LTF: variants seen among roughly 807,000 people sequenced by gnomAD.
LTF encodes the protein lactotransferrin.
In LTF, 91 loss-of-function variants were observed where a neutral mutation model predicts 87.2. The ratio of observed to expected loss-of-function variants is 1.04; its 90% CI spans 0.88 to 1.24. The LOEUF (loss-of-function observed/expected upper bound fraction) is 1.24, where lower values mean the gene tolerates loss of function less well. LTF is among the 50% of genes most tolerant of loss of function. The pLI, the probability that LTF is intolerant of heterozygous loss-of-function variation, is 0.00. For missense variants in LTF, 901 were observed against 904.3 expected (o/e 1.00, Z 0.05); for synonymous variants, 378 against 356.1 (o/e 1.06, Z -0.69).
chr3:46,462,039 C>G (rs1559606990), intron 1 of LTF, among the ~76,000 whole-genome samples: 1 of 152,150 alleles, frequency 6.6e-6, no homozygotes, highest in Non-Finnish European at 1.5e-5. Flanking sequence ...CCATACTCCC[C>G]CTTCATCCAC....
chr3:46,468,173 G>T (rs1703239037), upstream of LTF: 2 of 456,558 alleles, frequency 4.4e-6, no homozygotes, highest in African/African-American at 4.0e-5. Flanking sequence ...GTAATGTGTT[G>T]GGTCTGAAGG....
intron 16 of LTF, among the ~76,000 whole-genome samples, chr3:46,437,320 A>ATTTTT (rs10667876): frequency 3.0e-5 from 4 of 131,498 alleles, no homozygotes; most frequent in African/African-American, 1.2e-4. Context: ...CTAGAATCAG[A>ATTTTT]TTTTTTTTTT....
intron 1 of LTF, among the ~76,000 whole-genome samples, chr3:46,475,536 A>G (rs1285504959): frequency 6.7e-6 from 1 of 150,064 alleles, no homozygotes; most frequent in Non-Finnish European, 1.5e-5. Flanking sequence ...ACACACACAC[A>G]CACACACACA....
chr3:46,476,224 G>A (rs542323020), intron 1 of LTF, among the ~76,000 whole-genome samples: 1 of 152,160 alleles, frequency 6.6e-6, no homozygotes, highest in African/African-American at 2.4e-5. Context: ...AACAGATATG[G>A]AGATAACAGC....
intron 6 of LTF, among the ~76,000 whole-genome samples, chr3:46,451,479 A>T (rs1220266514): frequency 6.6e-6 from 1 of 152,238 alleles, no homozygotes; most frequent in Non-Finnish European, 1.5e-5. Context: ...ATGGCAGAAA[A>T]CCATGAGATC....
At chr3:46,437,683 G>A (rs963118381) in intron 16 of LTF, among the ~76,000 whole-genome samples, 2 of 152,016 alleles carry the variant, frequency 1.3e-5, no homozygotes, top group Non-Finnish European at 2.9e-5. Flanking sequence ...GAATAAAATG[G>A]ATTATCAGTT....
upstream of LTF, chr3:46,465,164 G>T (rs569843191): frequency 2.9e-5 from 14 of 478,338 alleles, no homozygotes; most frequent in South Asian, 3.2e-4. Flanking sequence ...CCTAGGAGTC[G>T]CAGCCCCCTG....
At position 46,439,437 on chromosome 3, in the gene LTF, G is replaced by A; in HGVS notation, c.1767C>T (p.Asp589=). The A allele has an allele frequency of 1.9e-6, 3 of 1,613,914 alleles. No homozygotes were observed. Among genetic ancestry groups the A allele is most frequent in the Non-Finnish European group, 2.5e-6 (3 of 1,179,906 alleles). Residue 589 remains aspartate (D), a synonymous_variant, in exon 15 of 17, where the codon GAC becomes GAT. Transcript: ENST00000231751. ...TGCCATCGAGGCACAGCAGCGCAAA[G>A]TCTGCCAGCTTCAAATCCTTAGCCC... is the stretch of plus-strand genomic sequence containing the variant. ...EAWAKDLKLA[D]FALLCLDGKR... is the part of the protein sequence containing the mutation.
chr3:46,462,904 T>C (rs965443726), intron 1 of LTF, among the ~76,000 whole-genome samples: 2 of 151,958 alleles, frequency 1.3e-5, no homozygotes, highest in African/African-American at 2.4e-5. Context: ...AGGTGGGGGC[T>C]GAGCAATGAC....
intron 1 of LTF, among the ~76,000 whole-genome samples, chr3:46,462,436 G>T (rs1316676775): frequency 2.0e-5 from 3 of 152,178 alleles, no homozygotes; most frequent in African/African-American, 7.2e-5. Flanking sequence ...TAGTTATGTG[G>T]CTTGTGGAAG....
upstream of LTF, among the ~76,000 whole-genome samples, chr3:46,467,068 C>T (rs972418094): frequency 1.3e-5 from 2 of 152,150 alleles, no homozygotes; most frequent in African/African-American, 4.8e-5. Flanking sequence ...TCCTGCTGTG[C>T]CTGTTGGAAC....
chr3:46,451,131 T>G (rs1190088096), intron 6 of LTF, among the ~76,000 whole-genome samples: 1 of 152,064 alleles, frequency 6.6e-6, no homozygotes, highest in Non-Finnish European at 1.5e-5. Context: ...ACTGAGTATA[T>G]CAAAAGAAGG....
intron 1 of LTF, among the ~76,000 whole-genome samples, chr3:46,484,311 C>T (rs908563101): frequency 2.6e-5 from 4 of 152,194 alleles, no homozygotes; most frequent in Admixed American, 2.6e-4. Context: ...GTTTGGCAGA[C>T]TTTGGGGAAC....
intron 8 of LTF, among the ~76,000 whole-genome samples, chr3:46,449,583 A>G (rs2269442): frequency 6.6e-6 from 1 of 151,982 alleles, no homozygotes; most frequent in Non-Finnish European, 1.5e-5. Context: ...GGTCCTGGCT[A>G]TCTTTGTTCA....
intron 6 of LTF, among the ~76,000 whole-genome samples, chr3:46,453,842 T>G (rs1199353301): frequency 6.6e-6 from 1 of 152,080 alleles, no homozygotes; most frequent in East Asian, 1.9e-4. Flanking sequence ...GACAGAGAAG[T>G]AAAAGGTGGA....
chr3:46,461,256 G>A (rs1041113582), intron 1 of LTF, among the ~76,000 whole-genome samples: 5 of 152,230 alleles, frequency 3.3e-5, no homozygotes, highest in South Asian at 2.1e-4. Context: ...TTCTCAAAAT[G>A]TGAAGCACAG....
intron 12 of LTF, among the ~76,000 whole-genome samples, chr3:46,444,486 C>T (rs1427101766): frequency 6.6e-6 from 1 of 152,240 alleles, no homozygotes; most frequent in East Asian, 1.9e-4. Context: ...AAACGTCACC[C>T]ATTATCAGAC....
intron 14 of LTF, 97 bp from the exon 15 acceptor site, chr3:46,439,577 G>T: frequency 1.0e-6 from 1 of 1,001,816 alleles, no homozygotes; most frequent in Middle Eastern, 3.0e-4. Flanking sequence ...CCTCCCAAAT[G>T]CACACACTGG....
At chr3:46,466,580 AG>A (rs1457234307), upstream of LTF, among the ~76,000 whole-genome samples, 1 of 152,196 alleles carries the variant, frequency 6.6e-6, no homozygotes, top group African/African-American at 2.4e-5. Flanking sequence ...GCCAAGGCAC[AG>A]GGTGGAGGCT....
Sources: allele counts gnomAD v4.1 joint callset (sites outside exome capture counted in the v4.1 genomes callset), GRCh38; gene constraint gnomAD v4.1.1; transcripts MANE v1.5; gene names NCBI Gene and HGNC (gene_info 2026-07-23, HGNC 2026-07-21).